The following WRAP73 variants were observed in gnomAD, a reference collection of about 807,000 sequenced individuals.
WRAP73 encodes WD repeat containing, antisense to TP73.
Under a neutral mutation model 59.6 loss-of-function variants are expected in WRAP73, and 55 were observed. The ratio of observed to expected loss-of-function variants is 0.92; its 90% confidence interval spans 0.74 to 1.15. The LOEUF is 1.15. WRAP73 is among the 50% of genes most tolerant of loss of function. The pLI, the probability that WRAP73 is intolerant of heterozygous loss-of-function variation, is 0.00. For synonymous variants in WRAP73, 265 were observed against 258.2 expected (o/e 1.03, Z -0.25); for missense variants, 592 against 608.1 (o/e 0.97, Z 0.28).
rs1257098808 is a variant in WRAP73 at position 3,644,358 on chromosome 1, C to T, written c.339+2308G>A. On this transcript the variant is annotated intron_variant, in intron 3 of 11. Transcript: ENST00000270708. ...AGCCCCGGACATGGGGTCGCGCCTT[C>T]GGAAGGGGATCCAGTGGCCCCGCTG... 2.9e-5 allele frequency among the ~76,000 whole-genome samples: 4 copies of T among 138,526 alleles called. 2 individuals carry two copies. Among genetic ancestry groups the T allele is most frequent in the African/African-American group, 1.2e-4 (4 of 34,418 alleles). 90.9% of individuals were successfully genotyped at this position (138,526 alleles called of 152,430 possible).
intron 4 of WRAP73, among the ~76,000 whole-genome samples, chr1:3,638,099 A>G (rs1644604889): frequency 6.6e-6 from 1 of 152,260 alleles, no homozygotes; most frequent in East Asian, 1.9e-4. Context: ...GCTGGCAGCA[A>G]CAGAGAAAAA....
In WRAP73 at chr1:3,633,337, T is replaced by C. The variant is rs1309465632; in HGVS notation, c.922+61A>G. ...ACATAAGGAACATCCGAAGTTTATC[T>C]GGACAACGAGGAATCTTGCATTAAA... On this transcript the variant is annotated intron_variant, in intron 9 of 11. Coordinates refer to ENST00000270708, the MANE Select transcript of WRAP73 (RefSeq NM_017818.4). 6.7e-6 allele frequency: 10 copies of C among 1,483,140 alleles called. No homozygotes were observed. In the African/African-American group the frequency reaches 1.1e-4, roughly 17 times the overall value. The allele number at this position is 1,483,140 out of a possible 1,614,324, so 91.9% of individuals were successfully genotyped here. A position where few individuals can be genotyped will look rare whatever the true frequency, so the allele number is the denominator to read the frequency against.
intron 10 of WRAP73, 22 bp downstream of exon 10, chr1:3,632,191 C>A: frequency 6.2e-7 from 1 of 1,603,732 alleles, no homozygotes; most frequent in Non-Finnish European, 8.5e-7. Flanking sequence ...GGTGAGACAG[C>A]ACCTGCGTCA....
At chr1:3,640,595 C>G (rs976933262) in intron 3 of WRAP73, among the ~76,000 whole-genome samples, 98 of 144,832 alleles carry the variant, frequency 6.8e-4, no homozygotes, top group Non-Finnish European at 3.6e-4. Flanking sequence ...CAGGGTGGAA[C>G]GCCCCAGGCT....
At chr1:3,649,415 C>T (rs965061888) in intron 1 of WRAP73, among the ~76,000 whole-genome samples, 4 of 152,232 alleles carry the variant, frequency 2.6e-5, no homozygotes, top group Non-Finnish European at 5.9e-5. Context: ...TACCAGTTTA[C>T]AGGCAACAGA....
rs772751983 is a variant in WRAP73 at position 3,637,094 on chromosome 1, G to A, written c.417C>T (p.Ile139=). The change falls in exon 5 of 12, where the codon ATC becomes ATT. Residue 139 remains isoleucine (I), a synonymous_variant. Coordinates refer to ENST00000270708, the MANE Select transcript of WRAP73 (RefSeq NM_017818.4). ...IKYPKACLQG[I]TFTRDGRYMA... is the part of the protein sequence containing the mutation. Reference sequence around the variant, plus strand: ...TGTAGCGGCCGTCCCTGGTGAAGGTGATTCCTGTGGGAAGAGGCAAATGCA... The same window carrying A: ...TGTAGCGGCCGTCCCTGGTGAAGGTAATTCCTGTGGGAAGAGGCAAATGCA... 6.2e-7 allele frequency: 1 copy of A among 1,606,610 alleles called. No homozygotes were observed. Among genetic ancestry groups the A allele is most frequent in the African/African-American group, 1.3e-5 (1 of 74,782 alleles).
In WRAP73 at chr1:3,636,978, T is replaced by C. The variant is rs1386273735; in HGVS notation, c.516+17A>G. 1 of 1,612,426 alleles carries C rather than the reference T, an allele frequency of 6.2e-7. No individual in the cohort carries two copies. The highest frequency in any genetic ancestry group is 1.1e-5 in the South Asian group (1 of 90,940). On this transcript the variant is annotated intron_variant, in intron 5 of 11. Coordinates refer to ENST00000270708, the MANE Select transcript of WRAP73 (RefSeq NM_017818.4). ...AGTCAGCAGGACAACTTTATTCCAG[T>C]CTGGGGGACGCCTTACCCGCAGGAG... is the stretch of plus-strand genomic sequence containing the variant.
intron 9 of WRAP73, chr1:3,632,867 GGGTGGGCCCGTC>G: frequency 4.8e-6 from 1 of 207,712 alleles, no homozygotes; most frequent in South Asian, 7.0e-5. Flanking sequence ...CCGAGCCCCG[GGGTGGGCCCGTC>G]GGCACTTGGG....
At chr1:3,632,572 G>A (rs2101952817) in intron 9 of WRAP73, 1 of 586,884 alleles carries the variant, frequency 1.7e-6, no homozygotes, top group South Asian at 1.9e-5. Context: ...GCCCGACTAG[G>A]TGGGGGGTGG....
At position 3,646,739 on chromosome 1, in the gene WRAP73, T is replaced by C. The variant is rs1037612244; in HGVS notation, c.266A>G (p.Glu89Gly). 5.0e-6 allele frequency: 8 copies of C among 1,611,442 alleles called. No individual in the cohort carries two copies. The highest frequency in any genetic ancestry group is 4.0e-5 in the African/African-American group (3 of 74,816). The change falls in exon 3 of 12, where the codon GAG becomes GGG. Residue 89 changes from glutamate (E) to glycine (G), a missense_variant. By Grantham distance (98) the Glu-to-Gly change is moderately conservative. Coordinates refer to ENST00000270708, the MANE Select transcript of WRAP73 (RefSeq NM_017818.4). The surrounding 1 kb of genome is among the most constrained non-coding windows in gnomAD (Gnocchi z 5.1). ...EQPEWHCKID[E>G]GSAGLVASCW... The stretch of plus-strand genomic sequence containing the variant: ...CGAGGCCACCAGCCCGGCTGAGCCC[T>C]CGTCTATTTTGCAGTGCCATTCGGG...
chr1:3,630,808 C>A lies in WRAP73; in HGVS notation c.*167G>T. 2 of 807,798 alleles carry A rather than the reference C, an allele frequency of 2.5e-6. No homozygotes were observed. The highest frequency in any genetic ancestry group is 2.0e-5 in the South Asian group (1 of 49,526). The allele number at this position is 807,798 out of a possible 1,614,324, so 50.0% of individuals were successfully genotyped here. On this transcript the variant is annotated 3_prime_UTR_variant, in exon 12 of 12. Coordinates refer to ENST00000270708, the MANE Select transcript of WRAP73 (RefSeq NM_017818.4). ...CAAGTATTTATTTTAAATAATAAAA[C>A]TACAGTTTTATACCATACATATTTA...
chr1:3,637,091 G>A lies in WRAP73; in HGVS notation c.420C>T (p.Thr140=), dbSNP rs1263329758. 3.7e-6 allele frequency: 6 copies of A among 1,608,276 alleles called. No individual in the cohort carries two copies. Among genetic ancestry groups the A allele is most frequent in the Non-Finnish European group, 4.2e-6 (5 of 1,177,950 alleles). ...KYPKACLQGI[T]FTRDGRYMAL... ...CCATGTAGCGGCCGTCCCTGGTGAA[G>A]GTGATTCCTGTGGGAAGAGGCAAAT... The change falls in exon 5 of 12, where the codon ACC becomes ACT. Residue 140 remains threonine, a synonymous_variant. Transcript: ENST00000270708.
chr1:3,635,100 G>A (rs1415916373), intron 7 of WRAP73, 26 bp from the exon 8 acceptor site: 18 of 1,614,186 alleles, frequency 1.1e-5, no homozygotes, highest in Non-Finnish European at 1.5e-5. Flanking sequence ...ATGCACAGGT[G>A]AGGCAGGGCC....
chr1:3,632,380 G>A (rs143362762), intron 9 of WRAP73, 42 bp from the exon 10 acceptor site: 89 of 1,613,432 alleles, frequency 5.5e-5, no homozygotes, highest in African/African-American at 1.7e-4. Flanking sequence ...TCACCCTTTC[G>A]GGAAGTACGC....
chr1:3,635,334 C>G (rs28446481), intron 6 of WRAP73, 40 bp from the exon 7 acceptor site: 15 of 1,609,786 alleles, frequency 9.3e-6, no homozygotes, highest in Non-Finnish European at 1.3e-5. Flanking sequence ...AATACACCCC[C>G]GTCGCCAGGA....
intron 9 of WRAP73, chr1:3,632,900 C>T: frequency 4.7e-6 from 1 of 211,744 alleles, no homozygotes; most frequent in Admixed American, 5.3e-5. Flanking sequence ...GCACCGCTTC[C>T]TCTACCTGCA....
chr1:3,638,434 G>A (rs1644608608), intron 4 of WRAP73, among the ~76,000 whole-genome samples: 2 of 152,246 alleles, frequency 1.3e-5, no homozygotes, highest in Middle Eastern at 3.2e-3. Flanking sequence ...CGGCTGGAAG[G>A]GGTCTGAACG....
chr1:3,641,210 G>A (rs1391460659), intron 3 of WRAP73, among the ~76,000 whole-genome samples: 1 of 152,198 alleles, frequency 6.6e-6, no homozygotes, highest in Non-Finnish European at 1.5e-5. Context: ...CAGGAGGGAA[G>A]GAAGGGGCCG....
chr1:3,647,227 T>C (rs1050800220), intron 2 of WRAP73, 181 bp downstream of exon 2: 1 of 651,166 alleles, frequency 1.5e-6, no homozygotes, highest in Non-Finnish European at 2.4e-6. Flanking sequence ...AAATTAAGAC[T>C]ACGTTGGAGT....
Sources: gnomAD v4.1 joint callset for allele counts (sites outside exome capture counted in the v4.1 genomes callset) on GRCh38, gnomAD v4.1.1 for gene constraint, Gnocchi (gnomAD v3.1) non-coding constraint, MANE v1.5 for transcripts, NCBI Gene and HGNC (gene_info 2026-07-23, HGNC 2026-07-21) for gene names.